The following FBXL2 variants were observed in gnomAD, a reference collection of about 807,000 sequenced individuals.
FBXL2 encodes F-box/LRR-repeat protein 2.
A neutral mutation model predicts 69.2 loss-of-function variants in FBXL2; 38 were observed. The observed-to-expected ratio is 0.55, with a 90% CI of 0.42 to 0.72. FBXL2 has a LOEUF of 0.72. Among genes scored for constraint, FBXL2 ranks in the 30% least tolerant of loss-of-function variants. The pLI, the probability that FBXL2 is intolerant of heterozygous loss-of-function variation, is 0.00. For synonymous variants in FBXL2, 192 were observed against 201.3 expected (o/e 0.95, Z 0.39); for missense variants, 354 against 520.3 (o/e 0.68, Z 3.11).
chr3:33,381,611 T>A, intron 13 of FBXL2, among the ~76,000 whole-genome samples: 1 of 148,004 alleles, frequency 6.8e-6, no homozygotes, highest in Admixed American at 6.8e-5. Flanking sequence ...GCAACAAGAG[T>A]GAAACTCCAT....
At chr3:33,412,848 A>G in the FBXL2 span, 47 of 1,546,692 alleles carry the variant, frequency 3.0e-5, no homozygotes, top group South Asian at 3.5e-4. Context: ...AGTGCGGAAA[A>G]TGAGTACTTT....
chr3:33,294,999 CATT>C (rs2035606737), intron 1 of FBXL2, among the ~76,000 whole-genome samples: 1 of 152,152 alleles, frequency 6.6e-6, no homozygotes, highest in South Asian at 2.1e-4. Flanking sequence ...AAAGATTCAT[CATT>C]GACACTACTT....
intron 2 of FBXL2, among the ~76,000 whole-genome samples, chr3:33,310,771 T>C (rs1014172915): frequency 6.6e-6 from 1 of 151,826 alleles, no homozygotes; most frequent in Non-Finnish European, 1.5e-5. Flanking sequence ...TTAAAAAAAA[T>C]TATATATTTA....
chr3:33,299,079 T>C (rs2036022410), intron 2 of FBXL2, among the ~76,000 whole-genome samples: 1 of 144,196 alleles, frequency 6.9e-6, no homozygotes, highest in East Asian at 2.0e-4. Context: ...TTTACTCTTG[T>C]TGCCCAGGCT....
chr3:33,385,956 A>G lies in FBXL2; in HGVS notation c.*348A>G, dbSNP rs969741572. The G allele has an allele frequency of 2.9e-5, 7 of 238,498 alleles. No individual in the cohort carries two copies. The South Asian group carries it at 4.6e-4, about 16-fold the overall frequency. 14.8% of individuals were successfully genotyped at this position (238,498 alleles called of 1,614,324 possible). On this transcript the variant is annotated 3_prime_UTR_variant, in exon 15 of 15. Coordinates refer to ENST00000484457, the MANE Select transcript of FBXL2 (RefSeq NM_012157.5). Reference sequence around the variant, plus strand: ...ATTCCTCAAAAAGACCATCAGTGTTAGCACAAACTGAGCAGAAAAAATAAG... The same window carrying G: ...ATTCCTCAAAAAGACCATCAGTGTTGGCACAAACTGAGCAGAAAAAATAAG...
chr3:33,337,382 A>G (rs1335747252), intron 2 of FBXL2, among the ~76,000 whole-genome samples: 1 of 152,188 alleles, frequency 6.6e-6, no homozygotes, highest in African/African-American at 2.4e-5. Flanking sequence ...CAATAATTAT[A>G]TGAATAGGTG....
chr3:33,405,430 G>A (rs1409761278), downstream of FBXL2, among the ~76,000 whole-genome samples: 1 of 152,196 alleles, frequency 6.6e-6, no homozygotes, highest in Non-Finnish European at 1.5e-5. Flanking sequence ...CACCACGCCA[G>A]AACATTGCCT....
intron 2 of FBXL2, among the ~76,000 whole-genome samples, chr3:33,304,441 A>G (rs1413305170): frequency 6.6e-6 from 1 of 152,080 alleles, no homozygotes; most frequent in Admixed American, 6.6e-5. Flanking sequence ...TTTTCACTCA[A>G]AATTCTGTTA....
At chr3:33,283,522 G>C (rs139136548) in intron 1 of FBXL2, among the ~76,000 whole-genome samples, 2 of 152,016 alleles carry the variant, frequency 1.3e-5, no homozygotes, top group Non-Finnish European at 2.9e-5. Flanking sequence ...TTTTTGTTGT[G>C]TCTCTGCCAG....
downstream of FBXL2, among the ~76,000 whole-genome samples, chr3:33,405,263 C>T (rs1482155282): frequency 6.6e-6 from 1 of 152,032 alleles, no homozygotes; most frequent in Non-Finnish European, 1.5e-5. Context: ...GAAATACAAA[C>T]ATGAGACCAA....
the FBXL2 span, chr3:33,409,313 G>C: frequency 6.2e-7 from 1 of 1,613,696 alleles, no homozygotes; most frequent in Non-Finnish European, 8.5e-7. Context: ...ATCTTCTCTC[G>C]GTCAGTTTTT....
intron 2 of FBXL2, among the ~76,000 whole-genome samples, chr3:33,354,289 G>A (rs2041037327): frequency 6.6e-6 from 1 of 152,066 alleles, no homozygotes; most frequent in Non-Finnish European, 1.5e-5. Context: ...CGAGGCGGGT[G>A]GATCACCTGA....
At chr3:33,378,796 C>T (rs781273352) in intron 13 of FBXL2, 55 bp downstream of exon 13, 9 of 1,613,838 alleles carry the variant, frequency 5.6e-6, no homozygotes, top group Non-Finnish European at 7.6e-6. Context: ...AGAGCCCTCC[C>T]ACCACAACAA....
chr3:33,338,303 A>AT (rs1318903146), intron 2 of FBXL2, among the ~76,000 whole-genome samples: 7 of 152,014 alleles, frequency 4.6e-5, no homozygotes, highest in Non-Finnish European at 1.0e-4. Flanking sequence ...TCTCAGCTAC[A>AT]TGGGAGGCTG....
Position 33,285,806 on chromosome 3 carries a change from C to A in FBXL2, c.3+8291C>A, listed in dbSNP as rs1310547446. 2.0e-5 allele frequency among the ~76,000 whole-genome samples: 3 copies of A among 152,144 alleles called. No individual in the cohort carries two copies. In the East Asian group the frequency reaches 5.8e-4, roughly 29 times the overall value. On this transcript the variant is annotated intron_variant, in intron 1 of 14. Coordinates refer to ENST00000484457, the MANE Select transcript of FBXL2 (RefSeq NM_012157.5). ...TTCATTTGATCTTCCATCACTGATA[C>A]CCTTTCTTCCACTTGATCAAATCGG...
At chr3:33,292,550 A>T (rs1018197861) in intron 1 of FBXL2, among the ~76,000 whole-genome samples, 2 of 152,194 alleles carry the variant, frequency 1.3e-5, no homozygotes, top group African/African-American at 4.8e-5. Flanking sequence ...GTCAGTAAGG[A>T]TATAAAAGAT....
At chr3:33,304,818 C>T (rs929499824) in intron 2 of FBXL2, among the ~76,000 whole-genome samples, 2 of 151,868 alleles carry the variant, frequency 1.3e-5, no homozygotes, top group South Asian at 2.1e-4. Context: ...TTAGTGTTGT[C>T]GCATGTCTTA....
intron 13 of FBXL2, 95 bp downstream of exon 13, chr3:33,378,836 TATC>T: frequency 6.2e-7 from 1 of 1,605,090 alleles, no homozygotes; most frequent in Admixed American, 1.7e-5. Flanking sequence ...TTCTGTAAGG[TATC>T]ATCTCTCTTG....
intron 2 of FBXL2, among the ~76,000 whole-genome samples, chr3:33,325,459 A>G (rs888359806): frequency 1.2e-4 from 19 of 152,214 alleles, no homozygotes; most frequent in African/African-American, 4.6e-4. Flanking sequence ...ATTTTGAGGT[A>G]CGTTCCATCA....
Sources: gnomAD v4.1 joint callset for allele counts (sites outside exome capture counted in the v4.1 genomes callset) on GRCh38, gnomAD v4.1.1 for gene constraint, MANE v1.5 for transcripts, NCBI Gene and HGNC (gene_info 2026-07-23, HGNC 2026-07-21) for gene names.